The following ADGRL3 variants were observed in gnomAD, a reference collection of about 807,000 sequenced individuals.
ADGRL3 encodes adhesion G protein-coupled receptor L3, also known as calcium-independent alpha-latrotoxin receptor 3.
In ADGRL3, 62 loss-of-function variants were observed where a neutral mutation model predicts 153.5. The ratio of observed to expected loss-of-function variants is 0.40; its 90% CI spans 0.33 to 0.50. ADGRL3 has a LOEUF of 0.50. ADGRL3 is among the 20% of genes least tolerant of loss of function. The pLI is 0.47. For missense variants in ADGRL3, 1,641 were observed against 1,859.4 expected (o/e 0.88, Z 2.16); for synonymous variants, 710 against 672.5 (o/e 1.06, Z -0.86).
intron 8 of ADGRL3, among the ~76,000 whole-genome samples, chr4:61,740,889 G>A (rs554711581): frequency 2.0e-5 from 3 of 152,118 alleles, no homozygotes; most frequent in Non-Finnish European, 4.4e-5. Context: ...TCTTATGTAC[G>A]CTAAAGATGG....
intron 2 of ADGRL3, among the ~76,000 whole-genome samples, chr4:61,419,073 T>C (rs929059777): frequency 1.3e-5 from 2 of 150,788 alleles, no homozygotes; most frequent in Non-Finnish European, 2.9e-5. Flanking sequence ...GTTGGTATAC[T>C]TTCTCACAAT....
chr4:61,389,055 G>T (rs555906223), intron 2 of ADGRL3, among the ~76,000 whole-genome samples: 2 of 151,946 alleles, frequency 1.3e-5, no homozygotes, highest in East Asian at 3.9e-4. Flanking sequence ...CTGTTTTTAT[G>T]TGTCTTTTAT....
intron 9 of ADGRL3, among the ~76,000 whole-genome samples, chr4:61,854,118 G>A (rs1208510349): frequency 1.3e-5 from 2 of 152,146 alleles, no homozygotes; most frequent in African/African-American, 2.4e-5. Flanking sequence ...GTATATGTGT[G>A]TGAATATGCT....
intron 1 of ADGRL3, among the ~76,000 whole-genome samples, chr4:61,293,512 A>C (rs1330550735): frequency 6.6e-6 from 1 of 152,202 alleles, no homozygotes; most frequent in Non-Finnish European, 1.5e-5. Context: ...TGAAGTACTC[A>C]GATTTCATAC....
chr4:61,284,725 T>A (rs1490998880), intron 1 of ADGRL3, among the ~76,000 whole-genome samples: 2 of 151,802 alleles, frequency 1.3e-5, no homozygotes, highest in Non-Finnish European at 2.9e-5. Flanking sequence ...GTAATGAAAA[T>A]TTTAGGATTG....
At chr4:61,475,765 T>G (rs2098039322) in intron 2 of ADGRL3, among the ~76,000 whole-genome samples, 1 of 152,198 alleles carries the variant, frequency 6.6e-6, no homozygotes, top group Non-Finnish European at 1.5e-5. Context: ...AGGAAGCTTC[T>G]AAATTATATT....
At chr4:61,287,804 G>A (rs2150099035) in intron 1 of ADGRL3, among the ~76,000 whole-genome samples, 1 of 152,000 alleles carries the variant, frequency 6.6e-6, no homozygotes, top group Middle Eastern at 3.4e-3. Flanking sequence ...CCCTGGATGG[G>A]TGTGAGACCA....
chr4:61,895,546 T>C (rs981036284), intron 10 of ADGRL3, among the ~76,000 whole-genome samples, 185 bp from the exon 11 acceptor site: 1 of 152,126 alleles, frequency 6.6e-6, no homozygotes, highest in Non-Finnish European at 1.5e-5. Flanking sequence ...AAACATATTG[T>C]ATGTTTTTGT....
intron 1 of ADGRL3, among the ~76,000 whole-genome samples, chr4:61,268,271 A>G (rs138351064): frequency 5.1e-4 from 77 of 151,742 alleles, no homozygotes; most frequent in African/African-American, 1.8e-3. Context: ...AAAAAGTCCA[A>G]TTTTTGGTGC....
intron 1 of ADGRL3, among the ~76,000 whole-genome samples, chr4:61,225,884 C>T (rs1196049772): frequency 6.6e-6 from 1 of 152,292 alleles, no homozygotes; most frequent in South Asian, 2.1e-4. Context: ...GGCCCATGGT[C>T]AGCATGAAAA....
chr4:61,609,764 T>C (rs1437448555), intron 5 of ADGRL3, among the ~76,000 whole-genome samples: 7 of 152,084 alleles, frequency 4.6e-5, no homozygotes, highest in African/African-American at 1.2e-4. Context: ...TGATAACAAA[T>C]ATATTAAATT....
chr4:61,372,790 A>G (rs1472894694), intron 1 of ADGRL3, among the ~76,000 whole-genome samples: 1 of 152,056 alleles, frequency 6.6e-6, no homozygotes, highest in African/African-American at 2.4e-5. Context: ...TTGTTTACCT[A>G]AGCAAGCCTG....
intron 2 of ADGRL3, among the ~76,000 whole-genome samples, chr4:61,451,008 G>A (rs752547206): frequency 2.0e-5 from 3 of 151,934 alleles, no homozygotes; most frequent in African/African-American, 7.2e-5. Flanking sequence ...GTAACCAGAT[G>A]AAAAAAAGTT....
chr4:62,011,656 T>G (rs12510264), intron 21 of ADGRL3, among the ~76,000 whole-genome samples: 18,655 of 152,162 alleles, frequency 0.12, 1,387 homozygotes, highest in East Asian at 0.28. Context: ...TGTCTGGATC[T>G]GTATCAAATA....
At chr4:61,232,847 T>C (rs1324791576) in intron 1 of ADGRL3, among the ~76,000 whole-genome samples, 1 of 152,112 alleles carries the variant, frequency 6.6e-6, no homozygotes, top group Non-Finnish European at 1.5e-5. Context: ...TATGAGGATA[T>C]TTGCCAGAAT....
chr4:61,938,456 C>G (rs756107502), intron 15 of ADGRL3, among the ~76,000 whole-genome samples: 31 of 152,236 alleles, frequency 2.0e-4, no homozygotes, highest in Non-Finnish European at 3.7e-4. Context: ...AATCTCTTTG[C>G]TGGATTACTG....
chr4:61,451,451 C>CTAAT (rs896809568), intron 2 of ADGRL3, among the ~76,000 whole-genome samples: 68 of 152,198 alleles, frequency 4.5e-4, no homozygotes, highest in African/African-American at 1.6e-3. Flanking sequence ...GTGTTGAATG[C>CTAAT]TAATAGATTG....
Position 61,733,233 on chromosome 4 carries a change from C to G in ADGRL3, c.1078C>G (p.Pro360Ala), listed in dbSNP as rs148616574. 21 of 1,613,572 alleles carry G rather than the reference C, an allele frequency of 1.3e-5. No homozygotes were observed. The African/African-American group carries it at 1.6e-4, about 12-fold the overall frequency. ...TAAAATTGTCATTAGTCAATTGAAC[C>G]CTTACACCCTACGGATCGAAGGAAC... ...NGKIVISQLNPYTLRIEGTWD... is the reference protein window; with the variant it reads ...NGKIVISQLNAYTLRIEGTWD... The change falls in exon 8 of 27, where the codon CCT (proline) becomes GCT (alanine). Residue 360 changes from proline to alanine, a missense_variant. Physicochemically the swap from Pro to Ala is conservative, Grantham distance 27 (BLOSUM62 -1). This residue lies in a region of ADGRL3 where 213 missense variants were observed against 362.1 expected (regional missense o/e 0.59). Transcript: ENST00000683033.
intron 13 of ADGRL3, among the ~76,000 whole-genome samples, chr4:61,914,010 A>G (rs570514660): frequency 1.3e-5 from 2 of 152,162 alleles, no homozygotes; most frequent in Non-Finnish European, 2.9e-5. Flanking sequence ...AACAAGGCAA[A>G]TATAATACAG....
Sources: gnomAD v4.1 joint callset for allele counts (sites outside exome capture counted in the v4.1 genomes callset) on GRCh38, gnomAD v4.1.1 for gene constraint, gnomAD v4.1.1 regional missense constraint, MANE v1.5 for transcripts, NCBI Gene and HGNC (gene_info 2026-07-23, HGNC 2026-07-21) for gene names.